Variants in FCHSD2 observed in about 807,000 individuals in gnomAD.
FCHSD2 encodes the protein F-BAR and double SH3 domains protein 2.
FCHSD2 carries 38 observed loss-of-function variants against 108.1 expected under a neutral mutation model. That is an observed-to-expected ratio of 0.35 (90% CI 0.27 to 0.46). The LOEUF (loss-of-function observed/expected upper bound fraction) is 0.46, where lower values mean the gene tolerates loss of function less well. Among genes scored for constraint, FCHSD2 ranks in the 20% least tolerant of loss-of-function variants. The probability of loss-of-function intolerance (pLI) is 1.00; values close to 1 mark genes in which losing one functional copy is unlikely to be tolerated. For missense variants in FCHSD2, 751 were observed against 897.8 expected, an observed-to-expected ratio of 0.84 and a Z score of 2.09; for synonymous variants, 279 against 314.7, an observed-to-expected ratio of 0.89 and a Z score of 1.20.
intron 13 of FCHSD2, among the ~76,000 whole-genome samples, chr11:72,859,843 T>C (rs1228435706): frequency 6.6e-6 from 1 of 152,138 alleles, no homozygotes; most frequent in Non-Finnish European, 1.5e-5. Context: ...TCCTGCTCCC[T>C]CCTAAAAGAG....
intron 2 of FCHSD2, among the ~76,000 whole-genome samples, chr11:73,089,055 T>G (rs1859891975): frequency 6.6e-6 from 1 of 152,206 alleles, no homozygotes; most frequent in Non-Finnish European, 1.5e-5. Flanking sequence ...CCAACTAATT[T>G]CCTGTTTTAA....
intron 14 of FCHSD2, among the ~76,000 whole-genome samples, chr11:72,847,850 G>A (rs553577068): frequency 1.4e-4 from 22 of 151,854 alleles, no homozygotes; most frequent in South Asian, 1.0e-3. Flanking sequence ...CCGCCACCAC[G>A]CCCAGCTAAT....
At chr11:72,906,946 T>C (rs1855642726) in intron 9 of FCHSD2, among the ~76,000 whole-genome samples, 1 of 152,230 alleles carries the variant, frequency 6.6e-6, no homozygotes, top group South Asian at 2.1e-4. Flanking sequence ...AGTAGTTTTT[T>C]CCAATTCTGT....
At position 73,067,103 on chromosome 11, in the gene FCHSD2, G is replaced by C. The variant is rs1366773380; in HGVS notation, c.165+16592C>G. On this transcript the variant is annotated intron_variant, in intron 3 of 19. Transcript: ENST00000409418. ...CCAACCCAAATGTCTATCAATTATA[G>C]ACTGGATAAAGAAAATGTGGCACAT... 2.7e-4 allele frequency among the ~76,000 whole-genome samples: 41 copies of C among 152,242 alleles called. 2 individuals are homozygous for C. Among genetic ancestry groups the C allele is most frequent in the Admixed American group, 2.6e-3 (39 of 15,290 alleles).
chr11:73,034,001 C>G (rs1858428566), intron 3 of FCHSD2, among the ~76,000 whole-genome samples: 1 of 152,060 alleles, frequency 6.6e-6, no homozygotes, highest in Non-Finnish European at 1.5e-5. Context: ...ATATAATAGA[C>G]AATTTTAATA....
chr11:73,015,238 C>T (rs754067636), intron 4 of FCHSD2, among the ~76,000 whole-genome samples: 2 of 152,238 alleles, frequency 1.3e-5, no homozygotes, highest in African/African-American at 2.4e-5. Flanking sequence ...ACCTTCATTA[C>T]AATTCGTATG....
chr11:73,064,349 T>C (rs752628889), intron 3 of FCHSD2, among the ~76,000 whole-genome samples: 31 of 151,980 alleles, frequency 2.0e-4, no homozygotes, highest in Non-Finnish European at 4.0e-4. Context: ...GATCTAAAAT[T>C]GATACCCTAA....
intron 13 of FCHSD2, among the ~76,000 whole-genome samples, chr11:72,860,943 T>C (rs528705342): frequency 6.6e-6 from 1 of 152,250 alleles, no homozygotes; most frequent in Non-Finnish European, 1.5e-5. Context: ...TTAATGCCAA[T>C]ATTCAAAAAG....
chr11:73,017,117 G>A (rs1857990703), intron 3 of FCHSD2, among the ~76,000 whole-genome samples: 1 of 152,040 alleles, frequency 6.6e-6, no homozygotes, highest in Non-Finnish European at 1.5e-5. Flanking sequence ...CAAGTACCTG[G>A]GACTACAGGC....
chr11:73,076,107 T>G (rs113501899), intron 3 of FCHSD2, among the ~76,000 whole-genome samples: 2,060 of 152,068 alleles, frequency 0.014, 50 homozygotes, highest in African/African-American at 0.046. Flanking sequence ...GGCAACAGAG[T>G]GAGAACCCAT....
chr11:72,985,872 A>G (rs1857301142), intron 6 of FCHSD2, among the ~76,000 whole-genome samples: 1 of 152,208 alleles, frequency 6.6e-6, no homozygotes, highest in Non-Finnish European at 1.5e-5. Context: ...GGAACAAGCA[A>G]CACTCCCAGG....
chr11:73,036,031 ATGT>A (rs1232954316), intron 3 of FCHSD2, among the ~76,000 whole-genome samples: 1 of 152,092 alleles, frequency 6.6e-6, no homozygotes, highest in East Asian at 1.9e-4. Context: ...GTTTTTATTA[ATGT>A]TGTTAAAACA....
chr11:72,894,770 A>C (rs1012699875), intron 10 of FCHSD2, among the ~76,000 whole-genome samples: 4 of 152,164 alleles, frequency 2.6e-5, no homozygotes, highest in Non-Finnish European at 5.9e-5. Context: ...CACTTGAGCC[A>C]AAATGTGATT....
At chr11:73,101,713 A>G (rs1860230439) in intron 2 of FCHSD2, among the ~76,000 whole-genome samples, 1 of 152,064 alleles carries the variant, frequency 6.6e-6, no homozygotes, top group African/African-American at 2.4e-5. Flanking sequence ...CTGGGATTAT[A>G]GGTGTGAGCC....
chr11:72,842,475 C>A (rs1860990532), intron 17 of FCHSD2, 146 bp downstream of exon 17: 2 of 885,560 alleles, frequency 2.3e-6, no homozygotes, highest in Non-Finnish European at 3.4e-6. Context: ...CTCTGGTTTC[C>A]CAAATGCAGT....
At chr11:72,919,696 C>T (rs1855942773) in intron 9 of FCHSD2, among the ~76,000 whole-genome samples, 1 of 152,042 alleles carries the variant, frequency 6.6e-6, no homozygotes, top group Non-Finnish European at 1.5e-5. Context: ...GTAGTGTCTC[C>T]AGTCCAACTT....
chr11:72,838,011 T>C lies in FCHSD2; in HGVS notation c.*780A>G, dbSNP rs974209246. ...AATACCCAAATACAAAAGAACATTATATTGGCTAATTTCAGATCCGGAAGT... is the reference window on the plus strand; with the variant it reads ...AATACCCAAATACAAAAGAACATTACATTGGCTAATTTCAGATCCGGAAGT... On this transcript the variant is annotated 3_prime_UTR_variant, in exon 20 of 20. Transcript: ENST00000409418. The C allele has an allele frequency of 7.2e-5, 11 of 152,204 alleles. No homozygotes were observed. The highest frequency in any genetic ancestry group is 2.6e-4 in the Admixed American group (4 of 15,290). The allele number at this position is 152,204 out of a possible 1,614,324, so 9.4% of individuals were successfully genotyped here.
chr11:73,075,292 C>A (rs561056335), intron 3 of FCHSD2, among the ~76,000 whole-genome samples: 10 of 152,254 alleles, frequency 6.6e-5, no homozygotes, highest in African/African-American at 2.4e-4. Flanking sequence ...CACAACAATT[C>A]CATTCCTTAG....
At chr11:72,975,091 A>C (rs143776544) in intron 8 of FCHSD2, among the ~76,000 whole-genome samples, 2 of 152,312 alleles carry the variant, frequency 1.3e-5, no homozygotes, top group Non-Finnish European at 2.9e-5. Flanking sequence ...TTCCTGGCTT[A>C]TTTCACTTAA....
Sources: gnomAD v4.1 joint callset for allele counts (sites outside exome capture counted in the v4.1 genomes callset) on GRCh38, gnomAD v4.1.1 for gene constraint, MANE v1.5 for transcripts, NCBI Gene and HGNC (gene_info 2026-07-23, HGNC 2026-07-21) for gene names.